FGF12: variants seen among roughly 807,000 people sequenced by gnomAD.
FGF12 encodes the protein fibroblast growth factor 12.
FGF12 carries 14 observed loss-of-function variants against 23.6 expected under a neutral mutation model. That is an observed-to-expected ratio of 0.59 (90% CI 0.39 to 0.93). The LOEUF is 0.93. Among genes scored for constraint, FGF12 ranks in the 40% least tolerant of loss-of-function variants. The pLI is 0.00. For missense variants in FGF12, 175 were observed against 217.8 expected, an observed-to-expected ratio of 0.80 and a Z score of 1.24; for synonymous variants, 62 against 77.3, an observed-to-expected ratio of 0.80 and a Z score of 1.04.
chr3:192,603,993 C>T (rs1182321416), intron 2 of FGF12, among the ~76,000 whole-genome samples: 2 of 151,996 alleles, frequency 1.3e-5, no homozygotes, highest in East Asian at 1.9e-4. Context: ...CCAGAGCGGC[C>T]GTTTATAGAC....
intron 4 of FGF12, among the ~76,000 whole-genome samples, chr3:192,228,752 T>G (rs1718866400): frequency 6.6e-6 from 1 of 152,098 alleles, no homozygotes; most frequent in South Asian, 2.1e-4. Context: ...ATAGAACCAT[T>G]AAGATGAATA....
At chr3:192,613,449 C>A (rs73887645) in intron 2 of FGF12, among the ~76,000 whole-genome samples, 2 of 151,770 alleles carry the variant, frequency 1.3e-5, no homozygotes, top group Admixed American at 6.6e-5. Flanking sequence ...AGACTGAAAG[C>A]AAAACAATAT....
At chr3:192,709,721 T>C (rs1220343400) in intron 2 of FGF12, among the ~76,000 whole-genome samples, 2 of 152,220 alleles carry the variant, frequency 1.3e-5, no homozygotes, top group African/African-American at 2.4e-5. Flanking sequence ...GGAAAATTAT[T>C]GCTTGAATAG....
chr3:192,283,703 CA>C (rs948364386), intron 4 of FGF12, among the ~76,000 whole-genome samples: 6 of 152,106 alleles, frequency 3.9e-5, no homozygotes, highest in Admixed American at 3.9e-4. Flanking sequence ...TAGGTAATCT[CA>C]TTAGTCAAAA....
At chr3:192,156,037 C>T (rs1273791589) in intron 5 of FGF12, among the ~76,000 whole-genome samples, 2 of 152,110 alleles carry the variant, frequency 1.3e-5, no homozygotes, top group African/African-American at 4.8e-5. Context: ...ATTTGCCATG[C>T]TTTAGGAGGT....
At chr3:192,157,512 C>A (rs1034448922) in intron 5 of FGF12, among the ~76,000 whole-genome samples, 1 of 152,100 alleles carries the variant, frequency 6.6e-6, no homozygotes, top group Non-Finnish European at 1.5e-5. Flanking sequence ...TTTTCCAGGG[C>A]AAGCTTTCTA....
intron 4 of FGF12, among the ~76,000 whole-genome samples, chr3:192,298,678 T>C (rs894589607): frequency 2.6e-5 from 4 of 151,864 alleles, no homozygotes; most frequent in Non-Finnish European, 5.9e-5. Flanking sequence ...ACCCAGGAGG[T>C]GGAGGTTGCA....
At chr3:192,612,156 A>G (rs1248522808) in intron 2 of FGF12, among the ~76,000 whole-genome samples, 1 of 152,026 alleles carries the variant, frequency 6.6e-6, no homozygotes, top group Non-Finnish European at 1.5e-5. Context: ...CAGTCACAGT[A>G]GTAGAGAAAT....
At chr3:192,249,867 T>C (rs974275118) in intron 4 of FGF12, among the ~76,000 whole-genome samples, 3 of 152,140 alleles carry the variant, frequency 2.0e-5, no homozygotes, top group East Asian at 1.9e-4. Flanking sequence ...CAAAGGCAAT[T>C]TGGGGCTCCT....
rs576929225 is a variant in FGF12 at position 192,158,326 on chromosome 3, TTC to T, written c.427+12130_427+12131del. On this transcript the variant is annotated intron_variant, in intron 5 of 5. Coordinates refer to ENST00000445105, the MANE Select transcript of FGF12 (RefSeq NM_004113.6). ...GCTTTTCCCTTTTCTCTTTCTTTCT[TTC>T]TTTCTCTTTCTTTCTTTCTTTCTTT... Among the ~76,000 whole-genome samples the T allele has an allele frequency of 2.3e-4, 28 of 120,392 alleles. 1 individual carries two copies. The highest frequency in any genetic ancestry group is 3.0e-4 in the South Asian group (1 of 3,332). The allele number at this position is 120,392 out of a possible 152,430, so 79.0% of individuals were successfully genotyped here.
intron 2 of FGF12, among the ~76,000 whole-genome samples, chr3:192,423,168 T>G (rs1721583789): frequency 6.6e-6 from 1 of 152,158 alleles, no homozygotes; most frequent in African/African-American, 2.4e-5. Flanking sequence ...GGCCTAAATG[T>G]GTGGCTCACT....
At chr3:192,427,274 AG>A (rs1265702817) in intron 2 of FGF12, among the ~76,000 whole-genome samples, 4 of 151,964 alleles carry the variant, frequency 2.6e-5, no homozygotes, top group Non-Finnish European at 5.9e-5. Flanking sequence ...CCAGCTACTC[AG>A]GAGGCTGAGG....
intron 2 of FGF12, among the ~76,000 whole-genome samples, chr3:192,442,299 A>C (rs1374904508): frequency 6.6e-6 from 1 of 152,240 alleles, no homozygotes; most frequent in Non-Finnish European, 1.5e-5. Context: ...CTATATAGTG[A>C]AAAACAATGG....
intron 3 of FGF12, among the ~76,000 whole-genome samples, chr3:192,359,176 G>A (rs1310164251): frequency 6.6e-6 from 1 of 152,090 alleles, no homozygotes; most frequent in African/African-American, 2.4e-5. Context: ...AAAAATCTGA[G>A]AGCAAGAAAA....
chr3:192,641,758 A>C (rs1281884135), intron 2 of FGF12, among the ~76,000 whole-genome samples: 1 of 152,212 alleles, frequency 6.6e-6, no homozygotes, highest in East Asian at 1.9e-4. Context: ...ATTAATGAAA[A>C]TTATATAAAA....
intron 4 of FGF12, among the ~76,000 whole-genome samples, chr3:192,234,746 G>C (rs1719195034): frequency 1.3e-5 from 2 of 152,090 alleles, no homozygotes; most frequent in African/African-American, 4.8e-5. Context: ...TTAAAACAAA[G>C]GGATGTGATG....
intron 4 of FGF12, among the ~76,000 whole-genome samples, chr3:192,174,680 T>C (rs188184315): frequency 1.7e-4 from 26 of 148,770 alleles, no homozygotes; most frequent in Non-Finnish European, 2.8e-4. Context: ...AGAATTTACA[T>C]TGTATTTGCT....
intron 2 of FGF12, among the ~76,000 whole-genome samples, chr3:192,563,145 G>A (rs28371830): frequency 0.16 from 24,934 of 152,086 alleles, 2,565 homozygotes; most frequent in Middle Eastern, 0.3. Flanking sequence ...GGGACCTACC[G>A]TTGAAGTTAA....
chr3:192,170,042 T>C (rs1715457692), intron 5 of FGF12, among the ~76,000 whole-genome samples: 2 of 146,192 alleles, frequency 1.4e-5, no homozygotes, highest in African/African-American at 5.1e-5. Context: ...GCATACTAGA[T>C]AGTAACTACC....
Sources: gnomAD v4.1 joint callset for allele counts (sites outside exome capture counted in the v4.1 genomes callset) on GRCh38, gnomAD v4.1.1 for gene constraint, MANE v1.5 for transcripts, NCBI Gene and HGNC (gene_info 2026-07-23, HGNC 2026-07-21) for gene names.